Variants in DSE observed in about 807,000 individuals in gnomAD.
The protein encoded by DSE is dermatan-sulfate epimerase.
A neutral mutation model predicts 84.4 loss-of-function variants in DSE; 36 were observed. The ratio of observed to expected loss-of-function variants is 0.43; its 90% CI spans 0.33 to 0.56. The LOEUF (loss-of-function observed/expected upper bound fraction) is 0.56, where lower values mean the gene tolerates loss of function less well. Among genes scored for constraint, DSE ranks in the 20% least tolerant of loss-of-function variants. The pLI is 0.06. For synonymous variants in DSE, 410 were observed against 430.1 expected (o/e 0.95, Z 0.58); for missense variants, 862 against 1,169.6 (o/e 0.74, Z 3.84).
In DSE at chr6:116,399,618, G is replaced by A. The variant is rs1418661316; in HGVS notation, c.368G>A (p.Arg123Gln). 3.7e-6 allele frequency: 6 copies of A among 1,614,066 alleles called. No homozygotes were observed. Among genetic ancestry groups the A allele is most frequent in the South Asian group, 2.2e-5 (2 of 91,080 alleles). The change falls in exon 2 of 6, where the codon CGA (arginine) becomes CAA (glutamine). Residue 123 changes from arginine to glutamine, a missense_variant. Arg to Gln is a conservative substitution (Grantham distance 43). This residue lies in a region of DSE where 309 missense variants were observed against 516.9 expected (regional missense o/e 0.60). Transcript: ENST00000644252. Reference protein sequence around the residue: ...CVLYPENIEARDMAKDYMERM... With the variant: ...CVLYPENIEAQDMAKDYMERM... ...CTGTATCCTGAGAACATTGAAGCCC[G>A]AGACATGGCCAAAGACTACATGGAG...
At chr6:116,268,067 T>C (rs1772712342) in intron 2 of DSE, among the ~76,000 whole-genome samples, 1 of 152,200 alleles carries the variant, frequency 6.6e-6, no homozygotes, top group South Asian at 2.1e-4. Context: ...AGTAATGTCC[T>C]AGACCTTCAC....
chr6:116,396,913 T>C (rs575743552), intron 1 of DSE, among the ~76,000 whole-genome samples: 3 of 152,274 alleles, frequency 2.0e-5, no homozygotes, highest in African/African-American at 4.8e-5. Context: ...TTGTACAGAA[T>C]GTGAGATGGA....
At chr6:116,369,025 G>T (rs1026470096), upstream of DSE, among the ~76,000 whole-genome samples, 5 of 152,060 alleles carry the variant, frequency 3.3e-5, no homozygotes, top group Non-Finnish European at 7.4e-5. Context: ...GGGGTGTGAG[G>T]GTAAAGGGGA....
At chr6:116,320,453 T>C (rs183615849) in intron 2 of DSE, among the ~76,000 whole-genome samples, 283 of 151,758 alleles carry the variant, frequency 1.9e-3, no homozygotes, top group Non-Finnish European at 3.2e-3. Context: ...TCAGAAAATA[T>C]AAACTATGCT....
intron 2 of DSE, among the ~76,000 whole-genome samples, chr6:116,310,411 C>T (rs1316315135): frequency 6.6e-6 from 1 of 151,842 alleles, no homozygotes; most frequent in Non-Finnish European, 1.5e-5. Context: ...TCTGCTTATC[C>T]AGCCATTCAC....
At chr6:116,307,023 A>G (rs1328692957) in intron 2 of DSE, among the ~76,000 whole-genome samples, 4 of 152,350 alleles carry the variant, frequency 2.6e-5, no homozygotes, top group South Asian at 2.1e-4. Flanking sequence ...GCAGACTAAT[A>G]TACCTCCTCT....
In DSE at chr6:116,421,463, A is replaced by ATT. The variant is rs71012335; in HGVS notation, c.417-5084_417-5083dup. ...TATACATATATATATATATATATAT[A>ATT]TTTTTTTTTTTTTTTTTTTTTTTTT... On this transcript the variant is annotated intron_variant, in intron 2 of 5. Coordinates refer to ENST00000644252, the MANE Select transcript of DSE (RefSeq NM_013352.4). Among the ~76,000 whole-genome samples the ATT allele has an allele frequency of 3.9e-3, 240 of 61,364 alleles. 25 individuals carry two copies. The highest frequency in any genetic ancestry group is 0.013 in the Admixed American group (56 of 4,188). The allele number at this position is 61,364 out of a possible 152,430, so 40.3% of individuals were successfully genotyped here.
Position 116,435,623 on chromosome 6 carries a change from C to T in DSE, c.1155C>T (p.Asp385=), listed in dbSNP as rs1784096634. 1.9e-6 allele frequency: 3 copies of T among 1,593,700 alleles called. No individual in the cohort carries two copies. The South Asian group carries it at 3.4e-5, about 18-fold the overall frequency. Residue 385 remains aspartate (D), a synonymous_variant, in exon 6 of 6, where the codon GAC becomes GAT. Transcript: ENST00000644252. The part of the protein sequence containing the change: ...DGSLKSVPPP[D]FGTPTLHYFE... The stretch of plus-strand genomic sequence containing the variant: ...GCTTGAAATCGGTTCCTCCTCCAGA[C>T]TTTGGCACCCCTACACTGCATTATT...
chr6:116,389,980 A>C (rs1035320444), intron 1 of DSE, among the ~76,000 whole-genome samples: 14 of 151,194 alleles, frequency 9.3e-5, no homozygotes, highest in Non-Finnish European at 1.3e-4. Flanking sequence ...CAGAGACATC[A>C]TTTTCTTATA....
At chr6:116,292,572 G>GA (rs1209234098) in intron 2 of DSE, among the ~76,000 whole-genome samples, 1 of 152,146 alleles carries the variant, frequency 6.6e-6, no homozygotes, top group African/African-American at 2.4e-5. Context: ...CAAGTTCAAG[G>GA]AGATGCAGGG....
At chr6:116,261,458 C>T (rs1048075080) in intron 2 of DSE, among the ~76,000 whole-genome samples, 1 of 152,124 alleles carries the variant, frequency 6.6e-6, no homozygotes, top group East Asian at 1.9e-4. Flanking sequence ...GATATTTGCA[C>T]ATTGATTTTG....
At chr6:116,426,865 C>T (rs186712670) in intron 3 of DSE, 38 bp downstream of exon 3, 17 of 1,575,234 alleles carry the variant, frequency 1.1e-5, no homozygotes, top group African/African-American at 6.8e-5. Flanking sequence ...CCTGAGCTGA[C>T]GGAAGTCATA....
chr6:116,297,280 C>A (rs894797331), intron 2 of DSE, among the ~76,000 whole-genome samples: 2 of 150,338 alleles, frequency 1.3e-5, no homozygotes, highest in Admixed American at 6.6e-5. Context: ...CCAGCTTCCT[C>A]TCCTCTTGGG....
At chr6:116,281,149 G>A (rs1057113754) in intron 2 of DSE, among the ~76,000 whole-genome samples, 1 of 152,166 alleles carries the variant, frequency 6.6e-6, no homozygotes, top group Non-Finnish European at 1.5e-5. Flanking sequence ...CAGAGAGAGG[G>A]AAGGAATGGT....
At chr6:116,267,716 G>T (rs1298484687) in intron 2 of DSE, among the ~76,000 whole-genome samples, 3 of 152,072 alleles carry the variant, frequency 2.0e-5, no homozygotes, top group Non-Finnish European at 4.4e-5. Context: ...CTGCTATAAA[G>T]AACTGCCTGA....
Position 116,399,463 on chromosome 6 carries a change from C to T in DSE, c.213C>T (p.Leu71=). The change falls in exon 2 of 6, where the codon CTC becomes CTT. Residue 71 remains leucine, a synonymous_variant. Transcript: ENST00000644252. ...CGCACGAGCACATTGCAGCCCGCCT[C>T]ACGGAGGCTGTGCACACGATGCTGT... ...ASSHEHIAAR[L]TEAVHTMLSS... 1 of 1,614,242 alleles carries T rather than the reference C, an allele frequency of 6.2e-7. No individual in the cohort carries two copies.
intron 2 of DSE, among the ~76,000 whole-genome samples, chr6:116,335,861 C>T (rs1346026315): frequency 1.3e-5 from 2 of 152,184 alleles, no homozygotes; most frequent in Admixed American, 6.5e-5. Context: ...CTGTGAATCT[C>T]CTGTTTTCAG....
Position 116,260,666 on chromosome 6 carries a change from A to G in DSE, c.-54+1699A>G, listed in dbSNP as rs572844459. ...TCTTGATTTAATTTTTGTGTATGGT[A>G]TAAGGAAGGGGTCCAGTTTCACTCT... On this transcript the variant is annotated intron_variant, in intron 2 of 3. Coordinates refer to the DSE transcript ENST00000430252. Among the ~76,000 whole-genome samples the G allele has an allele frequency of 7.8e-4, 119 of 152,240 alleles. 1 individual carries two copies. Among genetic ancestry groups the G allele is most frequent in the African/African-American group, 2.8e-3 (117 of 41,550 alleles).
intron 1 of DSE, among the ~76,000 whole-genome samples, chr6:116,371,733 G>C (rs913949438): frequency 1.3e-5 from 2 of 152,202 alleles, no homozygotes; most frequent in Non-Finnish European, 2.9e-5. Flanking sequence ...CCTCATCCCC[G>C]AGGCAGTCCC....
Sources: gnomAD v4.1 joint callset for allele counts (sites outside exome capture counted in the v4.1 genomes callset) on GRCh38, gnomAD v4.1.1 for gene constraint, gnomAD v4.1.1 regional missense constraint, MANE v1.5 for transcripts, NCBI Gene and HGNC (gene_info 2026-07-23, HGNC 2026-07-21) for gene names.